TRIM28: variants seen among roughly 807,000 people sequenced by gnomAD.
The protein encoded by TRIM28 is transcription intermediary factor 1-beta.
TRIM28 carries 8 observed loss-of-function variants against 87.4 expected under a neutral mutation model. That is an observed-to-expected ratio of 0.09 (90% CI 0.05 to 0.17). The LOEUF is 0.17. Ranked by LOEUF, TRIM28 falls within the 10% of genes least tolerant of loss-of-function variation. The pLI is 1.00. For synonymous variants in TRIM28, 601 were observed against 454.3 expected, an observed-to-expected ratio of 1.32 and a Z score of -4.11; for missense variants, 968 against 1,131.8, an observed-to-expected ratio of 0.86 and a Z score of 2.08.
intron 2 of TRIM28, 45 bp downstream of exon 2, chr19:58,545,582 G>T: frequency 6.5e-7 from 1 of 1,531,502 alleles, no homozygotes; most frequent in Non-Finnish European, 9.0e-7. Context: ...TGGGGAGGGG[G>T]CATCTGCGCA....
At position 58,545,340 on chromosome 19, in the gene TRIM28, C is replaced by T. The variant is rs1208082573; in HGVS notation, c.341-85C>T. 4 of 1,149,010 alleles carry T rather than the reference C, an allele frequency of 3.5e-6. No individual in the cohort carries two copies. In the African/African-American group the frequency reaches 6.2e-5, roughly 18 times the overall value. 71.2% of individuals were successfully genotyped at this position (1,149,010 alleles called of 1,614,324 possible). A position where few individuals can be genotyped will look rare whatever the true frequency, so the allele number is the denominator to read the frequency against. ...GGCTGGTTCGCTGCGGGATAATGGT[C>T]GGGGGCCCACCCAGCAGGGGAATGG... is the stretch of plus-strand genomic sequence containing the variant. On this transcript the variant is annotated intron_variant, in intron 1 of 16. Coordinates refer to ENST00000253024, the MANE Select transcript of TRIM28 (RefSeq NM_005762.3).
intron 1 of TRIM28, 57 bp from the exon 2 acceptor site, chr19:58,545,368 G>T: frequency 7.2e-7 from 1 of 1,388,766 alleles, no homozygotes. Context: ...GGGAATGGTG[G>T]GGGCCATAAC....
At chr19:58,547,939 G>T in intron 6 of TRIM28, 33 bp downstream of exon 6, 1 of 1,613,808 alleles carries the variant, frequency 6.2e-7, no homozygotes. Context: ...GGGTCCCTGA[G>T]CCCCCTCTGC....
chr19:58,546,687 G>A (rs921196530), intron 3 of TRIM28, among the ~76,000 whole-genome samples: 1 of 152,196 alleles, frequency 6.6e-6, no homozygotes, highest in Non-Finnish European at 1.5e-5. Context: ...GAGCCCTGAT[G>A]CTACATATTT....
At position 58,547,592 on chromosome 19, in the gene TRIM28, C is replaced by T. The variant is rs369366788; in HGVS notation, c.723-5C>T. On this transcript the variant is annotated splice_polypyrimidine_tract_variant and splice_region_variant and intron_variant, in intron 4 of 16. Coordinates refer to ENST00000253024, the MANE Select transcript of TRIM28 (RefSeq NM_005762.3). ...GTGCTCAGGAACACATCTGTCTGCTCTCAGGTACCAGTTCTTAGAGGATGC... is the reference window on the plus strand; with the variant it reads ...GTGCTCAGGAACACATCTGTCTGCTTTCAGGTACCAGTTCTTAGAGGATGC... 1.9e-6 allele frequency: 3 copies of T among 1,613,874 alleles called. No homozygotes were observed. The highest frequency in any genetic ancestry group is 2.7e-5 in the African/African-American group (2 of 74,926).
At chr19:58,545,629 C>T in intron 2 of TRIM28, 92 bp downstream of exon 2, 1 of 1,497,128 alleles carries the variant, frequency 6.7e-7, no homozygotes, top group Non-Finnish European at 9.2e-7. Flanking sequence ...TGTTACTCCA[C>T]TTTCCCAAGG....
chr19:58,548,715 G>T, intron 9 of TRIM28, 25 bp from the exon 10 acceptor site: 1 of 1,613,036 alleles, frequency 6.2e-7, no homozygotes, highest in Non-Finnish European at 8.5e-7. Context: ...TCCCACTGAG[G>T]CAGAGGGTTC....
chr19:58,549,159 C>CGCTGCA lies in TRIM28; in HGVS notation c.1585_1590dup (p.Ala529_Ala530dup), dbSNP rs1568662201. 2 of 1,613,958 alleles carry CGCTGCA rather than the reference C, an allele frequency of 1.2e-6. No homozygotes were observed. Among genetic ancestry groups the CGCTGCA allele is most frequent in the African/African-American group, 1.3e-5 (1 of 74,932 alleles). ...TTATTGTTATTGAACGTGGCGCTGC[C>CGCTGCA]GCTGCAGCTACCGGCCAGCCAGGGA... On this transcript the variant is annotated inframe_insertion, in exon 12 of 17. Transcript: ENST00000253024. The surrounding 1 kb of genome is among the most constrained non-coding windows in gnomAD (Gnocchi z 4.4).
chr19:58,549,919 G>C lies in TRIM28; in HGVS notation c.2107-30G>C. The C allele has an allele frequency of 6.2e-7, 1 of 1,614,052 alleles. No homozygotes were observed. The highest frequency in any genetic ancestry group is 8.5e-7 in the Non-Finnish European group (1 of 1,179,984). ...AGAGAGGCTTTATAGGTGCTGCCCAGAGCTGTGACATCCCTTACAATGTTT... is the reference window on the plus strand; with the variant it reads ...AGAGAGGCTTTATAGGTGCTGCCCACAGCTGTGACATCCCTTACAATGTTT... On this transcript the variant is annotated intron_variant, in intron 14 of 16. Coordinates refer to ENST00000253024, the MANE Select transcript of TRIM28 (RefSeq NM_005762.3). The surrounding 1 kb of genome is among the most constrained non-coding windows in gnomAD (Gnocchi z 4.4).
At chr19:58,548,835 G>A in intron 10 of TRIM28, 27 bp from the exon 11 acceptor site, 1 of 1,614,076 alleles carries the variant, frequency 6.2e-7, no homozygotes, top group Non-Finnish European at 8.5e-7. Context: ...ACCCCAACCT[G>A]CCAGTCTTCT....
chr19:58,547,153 T>C (rs996536211), intron 3 of TRIM28: 4 of 586,640 alleles, frequency 6.8e-6, no homozygotes, highest in Non-Finnish European at 1.2e-5. Context: ...CTCTAGAAGC[T>C]AGAAGAAAGG....
intron 3 of TRIM28, among the ~76,000 whole-genome samples, chr19:58,546,597 G>C (rs752997454): frequency 1.3e-5 from 2 of 152,196 alleles, no homozygotes; most frequent in Non-Finnish European, 2.9e-5. Flanking sequence ...AGGGGCTGCA[G>C]GGTGTCCTAC....
intron 8 of TRIM28, 30 bp downstream of exon 8, chr19:58,548,438 A>T: frequency 1.2e-6 from 2 of 1,613,942 alleles, no homozygotes; most frequent in Non-Finnish European, 1.7e-6. Context: ...TCACTCTGTT[A>T]TTACCCCACG....
chr19:58,544,724 T>TCCTCCCCCCCTGGGCGCCCCC lies in TRIM28; in HGVS notation c.-33_-13dup. Reference sequence around the variant, plus strand: ...GCCTGCGCGGCGGGCCCCGCGCCCCTCCTCCCCCCCTGGGCGCCCCCGGCG... The same window carrying TCCTCCCCCCCTGGGCGCCCCC: ...GCCTGCGCGGCGGGCCCCGCGCCCCTCCTCCCCCCCTGGGCGCCCCCCCTCCCCCCCTGGGCGCCCCCGGCG... On this transcript the variant is annotated 5_prime_UTR_variant, in exon 1 of 17. Coordinates refer to ENST00000253024, the MANE Select transcript of TRIM28 (RefSeq NM_005762.3). 1 of 989,334 alleles carries TCCTCCCCCCCTGGGCGCCCCC rather than the reference T, an allele frequency of 1.0e-6. No homozygotes were observed. Among genetic ancestry groups the TCCTCCCCCCCTGGGCGCCCCC allele is most frequent in the Non-Finnish European group, 1.2e-6 (1 of 824,138 alleles). The allele number at this position is 989,334 out of a possible 1,614,324, so 61.3% of individuals were successfully genotyped here.
At position 58,549,514 on chromosome 19, in the gene TRIM28, G is replaced by T. The variant is rs750602318; in HGVS notation, c.1846G>T (p.Gly616Cys). 2 of 1,614,000 alleles carry T rather than the reference G, an allele frequency of 1.2e-6. No homozygotes were observed. Among genetic ancestry groups the T allele is most frequent in the Admixed American group, 3.3e-5 (2 of 60,028 alleles). The change falls in exon 13 of 17, where the codon GGT (glycine) becomes TGT (cysteine). Residue 616 changes from glycine to cysteine, a missense_variant. Physicochemically the swap from Gly to Cys is radical, Grantham distance 159 (BLOSUM62 -3). Coordinates refer to ENST00000253024, the MANE Select transcript of TRIM28 (RefSeq NM_005762.3). The surrounding 1 kb of genome is among the most constrained non-coding windows in gnomAD (Gnocchi z 4.4). Reference protein sequence around the residue: ...VAPEGTSAPGGGPGTLDDSAT... With the variant: ...VAPEGTSAPGCGPGTLDDSAT... ...TCCTGAGGGTACCTCAGCCCCAGGT[G>T]GTGGCCCGGGAACCCTGGATGACAG...
Position 58,544,738 on chromosome 19 carries a change from G to T in TRIM28, c.-20G>T, listed in dbSNP as rs1353925272. 9.4e-7 allele frequency: 1 copy of T among 1,058,918 alleles called. No homozygotes were observed. The highest frequency in any genetic ancestry group is 5.4e-5 in the Admixed American group (1 of 18,382). The allele number at this position is 1,058,918 out of a possible 1,614,324, so 65.6% of individuals were successfully genotyped here. A position where few individuals can be genotyped will look rare whatever the true frequency, so the allele number is the denominator to read the frequency against. ...CCCCGCGCCCCTCCTCCCCCCCTGGGCGCCCCCGGCGGCGTGTGAATGGCG... is the reference window on the plus strand; with the variant it reads ...CCCCGCGCCCCTCCTCCCCCCCTGGTCGCCCCCGGCGGCGTGTGAATGGCG... On this transcript the variant is annotated 5_prime_UTR_variant, in exon 1 of 17. Coordinates refer to ENST00000253024, the MANE Select transcript of TRIM28 (RefSeq NM_005762.3).
rs1351335511 is a variant in TRIM28, at chr19:58,545,908, T to TGAGGGGGGCTGTTG, written c.586+16_586+29dup. 21 of 1,577,678 alleles carry TGAGGGGGGCTGTTG rather than the reference T, an allele frequency of 1.3e-5. No homozygotes were observed. The highest frequency in any genetic ancestry group is 1.6e-5 in the Non-Finnish European group (18 of 1,154,046). On this transcript the variant is annotated intron_variant, in intron 3 of 16. Transcript: ENST00000253024. ...TGTGCGCTCTACTGGTACATGAGGC[T>TGAGGGGGGCTGTTG]GAGGGGGGCTGTTGGAGTTGTTCTC...
At chr19:58,548,803 G>A in intron 10 of TRIM28, 27 bp downstream of exon 10, 1 of 1,614,090 alleles carries the variant, frequency 6.2e-7, no homozygotes. Flanking sequence ...AGTGGGTGGG[G>A]AAGGGCCCCA....
chr19:58,549,161 C>T lies in TRIM28; in HGVS notation c.1583C>T (p.Ala528Val), dbSNP rs1175488490. ...ATTGTTATTGAACGTGGCGCTGCCG[C>T]TGCAGCTACCGGCCAGCCAGGGACT... is the stretch of plus-strand genomic sequence containing the variant. ...NLIVIERGAA[A>V]AATGQPGTAP... is the part of the protein sequence containing the mutation. The change falls in exon 12 of 17, where the codon GCT becomes GTT. Residue 528 changes from alanine to valine, a missense_variant. Ala to Val is a moderately conservative substitution (Grantham distance 64). Around this residue, in one of 11 missense-constraint regions of TRIM28, gnomAD observed 164 missense variants for 146.2 expected, o/e 1.12. Transcript: ENST00000253024. The surrounding 1 kb of genome is among the most constrained non-coding windows in gnomAD (Gnocchi z 4.4). The T allele has an allele frequency of 1.2e-6, 2 of 1,614,100 alleles. No homozygotes were observed. Among genetic ancestry groups the T allele is most frequent in the Admixed American group, 1.7e-5 (1 of 60,028 alleles).
Sources: gnomAD v4.1 joint callset for allele counts (sites outside exome capture counted in the v4.1 genomes callset) on GRCh38, gnomAD v4.1.1 for gene constraint, gnomAD v4.1.1 regional missense constraint, Gnocchi (gnomAD v3.1) non-coding constraint, MANE v1.5 for transcripts, NCBI Gene and HGNC (gene_info 2026-07-23, HGNC 2026-07-21) for gene names.